PCDHGB2: variants seen among roughly 807,000 people sequenced by gnomAD.
PCDHGB2 encodes protocadherin gamma-B2.
PCDHGB2 carries 55 observed loss-of-function variants against 59.3 expected under a neutral mutation model. That is an observed-to-expected ratio of 0.93 (90% CI 0.75 to 1.16). The LOEUF is 1.16. Among genes scored for constraint, PCDHGB2 ranks in the 50% most tolerant of loss-of-function variants. The probability of loss-of-function intolerance (pLI) is 0.00; values close to 1 mark genes in which losing one functional copy is unlikely to be tolerated. For synonymous variants in PCDHGB2, 516 were observed against 512.0 expected, an observed-to-expected ratio of 1.01 and a Z score of -0.11; for missense variants, 1,228 against 1,198.5, an observed-to-expected ratio of 1.02 and a Z score of -0.36.
chr5:141,399,407 C>T (rs1168752842), intron 1 of PCDHGB2: 5 of 1,613,914 alleles, frequency 3.1e-6, no homozygotes, highest in Non-Finnish European at 4.2e-6. Context: ...GGCAAGCCGC[C>T]CCTCTCCTCC....
intron 1 of PCDHGB2, chr5:141,421,694 C>G (rs2096592726): frequency 6.2e-7 from 1 of 1,613,936 alleles, no homozygotes. Flanking sequence ...TTTGCTCTTC[C>G]TAATGCTAGG....
rs1342473418 is a variant in PCDHGB2, at chr5:141,477,702, A to G, written c.2422-17105A>G. On this transcript the variant is annotated intron_variant, in intron 1 of 3. Transcript: ENST00000522605. The surrounding 1 kb of genome is among the most constrained non-coding windows in gnomAD (Gnocchi z 4.9). Reference sequence around the variant, plus strand: ...TCCTTAGTGCCCCTAGACTATGAGGATCGGCGGGAATTTGAATTAACAGCT... The same window carrying G: ...TCCTTAGTGCCCCTAGACTATGAGGGTCGGCGGGAATTTGAATTAACAGCT... The G allele has an allele frequency of 1.9e-6, 3 of 1,613,924 alleles. No individual in the cohort carries two copies. Among genetic ancestry groups the G allele is most frequent in the Non-Finnish European group, 2.5e-6 (3 of 1,180,044 alleles).
chr5:141,505,625 C>T, intron 3 of PCDHGB2, 144 bp downstream of exon 3: 1 of 1,489,114 alleles, frequency 6.7e-7, no homozygotes, highest in Non-Finnish European at 9.0e-7. Context: ...CCCACAATTC[C>T]AAACATAAAG....
At chr5:141,403,058 C>A in intron 1 of PCDHGB2, 1 of 1,614,060 alleles carries the variant, frequency 6.2e-7, no homozygotes, top group Non-Finnish European at 8.5e-7. Context: ...CTACTCAGTG[C>A]CTGAAGAGAC....
chr5:141,450,734 G>A (rs1365470415), intron 1 of PCDHGB2, among the ~76,000 whole-genome samples: 6 of 151,868 alleles, frequency 4.0e-5, no homozygotes, highest in South Asian at 2.1e-4. Context: ...TGATCCGCCC[G>A]CCTTGGCCTC....
intron 1 of PCDHGB2, chr5:141,426,320 G>A (rs2096927622): frequency 1.1e-5 from 2 of 175,034 alleles, no homozygotes; most frequent in South Asian, 1.3e-4. Context: ...AGCAGGACCC[G>A]GCAGTGGCAA....
chr5:141,451,428 G>T (rs552096051), intron 1 of PCDHGB2, among the ~76,000 whole-genome samples: 17 of 152,166 alleles, frequency 1.1e-4, no homozygotes, highest in Non-Finnish European at 2.1e-4. Context: ...TTAGACTAAG[G>T]GTTCCAGTTC....
intron 1 of PCDHGB2, among the ~76,000 whole-genome samples, chr5:141,380,946 CAAG>C (rs1776880026): frequency 6.6e-6 from 1 of 152,210 alleles, no homozygotes; most frequent in African/African-American, 2.4e-5. Flanking sequence ...CTTGCCTCAA[CAAG>C]AAGTTCAAAA....
rs781173890 is a variant in PCDHGB2, at chr5:141,476,165, G to T, written c.2422-18642G>T. 5.3e-5 allele frequency: 86 copies of T among 1,613,106 alleles called. No individual in the cohort carries two copies. Among genetic ancestry groups the T allele is most frequent in the Non-Finnish European group, 7.2e-5 (85 of 1,179,976 alleles). On this transcript the variant is annotated intron_variant, in intron 1 of 3. Transcript: ENST00000522605. The surrounding 1 kb of genome is among the most constrained non-coding windows in gnomAD (Gnocchi z 7.6). ...CGGACTGGTAAGCACCGGGAGGGTA[G>T]TGGGAGTTTTGCTTCTGCTTGGTGC...
At chr5:141,504,288 GT>G (rs1175142876) in intron 2 of PCDHGB2, among the ~76,000 whole-genome samples, 1 of 152,124 alleles carries the variant, frequency 6.6e-6, no homozygotes, top group Non-Finnish European at 1.5e-5. Flanking sequence ...ATCATTTCAT[GT>G]TTTTTCAACA....
At position 141,371,400 on chromosome 5, in the gene PCDHGB2, G is replaced by C. The variant is rs201084970; in HGVS notation, c.2421+8844G>C. 5.8e-5 allele frequency: 93 copies of C among 1,613,894 alleles called. No individual in the cohort carries two copies. Among genetic ancestry groups the C allele is most frequent in the African/African-American group, 2.7e-5 (2 of 74,938 alleles). Reference sequence around the variant, plus strand: ...CACTGCATATTGTAAAGTACAGATAGATATTTCAGATGAAAATGACAATGC... The same window carrying C: ...CACTGCATATTGTAAAGTACAGATACATATTTCAGATGAAAATGACAATGC... On this transcript the variant is annotated intron_variant, in intron 1 of 3. Transcript: ENST00000522605.
intron 1 of PCDHGB2, chr5:141,371,159 G>A: frequency 6.2e-7 from 1 of 1,614,024 alleles, no homozygotes; most frequent in Non-Finnish European, 8.5e-7. Flanking sequence ...CAGAGAACCT[G>A]CCCGCTGGCT....
rs1035284319 is a variant in PCDHGB2, at chr5:141,368,926, G to C, written c.2421+6370G>C. Among the ~76,000 whole-genome samples, 16 of 152,178 alleles carry C rather than the reference G, an allele frequency of 1.1e-4. 2 individuals are homozygous for C. The highest frequency in any genetic ancestry group is 5.2e-4 in the Admixed American group (8 of 15,270). On this transcript the variant is annotated intron_variant, in intron 1 of 3. Transcript: ENST00000522605. Reference sequence around the variant, plus strand: ...TGTATAAAGGTGACAATGAGTGTCTGTCTAGAATTCTGGTTACTGTGAGTA... The same window carrying C: ...TGTATAAAGGTGACAATGAGTGTCTCTCTAGAATTCTGGTTACTGTGAGTA...
chr5:141,375,920 G>C, intron 1 of PCDHGB2: 1 of 1,613,748 alleles, frequency 6.2e-7, no homozygotes, highest in Non-Finnish European at 8.5e-7. Flanking sequence ...CAAGGCCAGC[G>C]AGCCAGGACT....
chr5:141,503,268 C>A (rs1038268807), intron 2 of PCDHGB2, among the ~76,000 whole-genome samples: 6 of 152,068 alleles, frequency 3.9e-5, no homozygotes, highest in African/African-American at 7.2e-5. Context: ...AACCCCAGCA[C>A]CTGGCTCTGT....
At chr5:141,388,728 A>G (rs377444638) in intron 1 of PCDHGB2, 11 of 1,613,902 alleles carry the variant, frequency 6.8e-6, no homozygotes, top group Admixed American at 1.7e-5. Flanking sequence ...TTTCTCTTTC[A>G]GTGAAGCTAG....
chr5:141,370,554 C>G, intron 1 of PCDHGB2: 2 of 1,613,894 alleles, frequency 1.2e-6, no homozygotes, highest in Non-Finnish European at 1.7e-6. Flanking sequence ...CGCCAAGGAC[C>G]TGGGGTTTGG....
intron 1 of PCDHGB2, chr5:141,384,570 C>T (rs1344812982): frequency 6.2e-7 from 1 of 1,614,240 alleles, no homozygotes; most frequent in South Asian, 1.1e-5. Context: ...ACCAGAATGA[C>T]AACCCGCCCG....
At chr5:141,450,869 G>A (rs1435272731) in intron 1 of PCDHGB2, among the ~76,000 whole-genome samples, 1 of 147,142 alleles carries the variant, frequency 6.8e-6, no homozygotes, top group Admixed American at 6.9e-5. Context: ...CTGTCACCCA[G>A]GCTGGTGTGC....
Sources: allele counts gnomAD v4.1 joint callset (sites outside exome capture counted in the v4.1 genomes callset), GRCh38; gene constraint gnomAD v4.1.1; non-coding constraint Gnocchi (gnomAD v3.1); transcripts MANE v1.5; gene names NCBI Gene and HGNC (gene_info 2026-07-23, HGNC 2026-07-21).